The following GRM7 variants were observed in gnomAD, a reference collection of about 807,000 sequenced individuals.
GRM7 encodes the protein glutamate metabotropic receptor 7.
Under a neutral mutation model 84.5 loss-of-function variants are expected in GRM7, and 35 were observed. The observed-to-expected ratio is 0.41, with a 90% CI of 0.32 to 0.55. The LOEUF is 0.55. Among genes scored for constraint, GRM7 ranks in the 20% least tolerant of loss-of-function variants. The pLI is 0.19. For missense variants in GRM7, 1,003 were observed against 1,194.6 expected, an observed-to-expected ratio of 0.84 and a Z score of 2.36; for synonymous variants, 487 against 455.1, an observed-to-expected ratio of 1.07 and a Z score of -0.89.
At chr3:7,722,022 A>G (rs921784015) in intron 9 of GRM7, among the ~76,000 whole-genome samples, 3 of 152,212 alleles carry the variant, frequency 2.0e-5, no homozygotes, top group Non-Finnish European at 4.4e-5. Flanking sequence ...CAATGGATGG[A>G]ATGTACTAGG....
At chr3:7,068,111 A>C (rs1171441210) in intron 1 of GRM7, among the ~76,000 whole-genome samples, 1 of 151,990 alleles carries the variant, frequency 6.6e-6, no homozygotes, top group African/African-American at 2.4e-5. Flanking sequence ...AAACCATCTG[A>C]GACTGGGAGA....
At position 7,306,560 on chromosome 3, in the gene GRM7, A is replaced by T; in HGVS notation, c.941A>T (p.Asp314Val). 1.9e-6 allele frequency: 3 copies of T among 1,613,880 alleles called. No individual in the cohort carries two copies. The highest frequency in any genetic ancestry group is 2.5e-6 in the Non-Finnish European group (3 of 1,179,802). The stretch of plus-strand genomic sequence containing the variant: ...GGCCATTTTCTTTGGGTGGGATCAG[A>T]CAGCTGGGGATCCAAAATAAACCCA... ...QVGHFLWVGS[D>V]SWGSKINPLH... The change falls in exon 4 of 10, where the codon GAC becomes GTC. Residue 314 changes from aspartate (D) to valine (V), a missense_variant. Coordinates refer to ENST00000357716, the MANE Select transcript of GRM7 (RefSeq NM_000844.4).
chr3:7,407,061 C>G (rs1695712375), intron 4 of GRM7, among the ~76,000 whole-genome samples: 1 of 152,104 alleles, frequency 6.6e-6, no homozygotes, highest in African/African-American at 2.4e-5. Context: ...AAAACCCAAG[C>G]CTGGAAGTAA....
At chr3:7,315,663 C>T (rs572897256) in intron 4 of GRM7, among the ~76,000 whole-genome samples, 1 of 152,314 alleles carries the variant, frequency 6.6e-6, no homozygotes, top group South Asian at 2.1e-4. Flanking sequence ...ACAATAGGCA[C>T]ATTGACCTCT....
At chr3:7,176,879 C>A (rs73811624) in intron 2 of GRM7, among the ~76,000 whole-genome samples, 1,649 of 152,314 alleles carry the variant, frequency 0.011, 37 homozygotes, top group African/African-American at 0.037. Context: ...TTATTCATGT[C>A]ATGCAAAGTC....
intron 2 of GRM7, among the ~76,000 whole-genome samples, chr3:7,295,483 A>G (rs1472519592): frequency 6.6e-6 from 1 of 152,102 alleles, no homozygotes; most frequent in African/African-American, 2.4e-5. Context: ...ACCTTTCCAT[A>G]TAAATGTTAA....
rs141210247 is a variant in GRM7, at chr3:7,035,341, T to C, written c.520-111111T>C. Among the ~76,000 whole-genome samples the C allele has an allele frequency of 4.7e-3, 723 of 152,244 alleles. 7 individuals carry two copies. Among genetic ancestry groups the C allele is most frequent in the African/African-American group, 0.016 (684 of 41,550 alleles). On this transcript the variant is annotated intron_variant, in intron 1 of 9. Coordinates refer to ENST00000357716, the MANE Select transcript of GRM7 (RefSeq NM_000844.4). ...CAGGTGATTTAGTCAGTCAGTACTT[T>C]AGAATTTTTGCTGAGATAAAATATG...
intron 1 of GRM7, among the ~76,000 whole-genome samples, chr3:6,925,482 T>G (rs941792620): frequency 6.6e-6 from 1 of 152,188 alleles, no homozygotes; most frequent in African/African-American, 2.4e-5. Context: ...AGCACCCTCC[T>G]CAGATGAGTT....
At chr3:7,044,983 T>G (rs1281385875) in intron 1 of GRM7, among the ~76,000 whole-genome samples, 2 of 152,206 alleles carry the variant, frequency 1.3e-5, no homozygotes, top group Non-Finnish European at 2.9e-5. Flanking sequence ...TCTATTCTGT[T>G]GACATGTACT....
At chr3:7,585,850 G>T (rs1005703236) in intron 8 of GRM7, among the ~76,000 whole-genome samples, 3 of 152,156 alleles carry the variant, frequency 2.0e-5, no homozygotes, top group African/African-American at 7.2e-5. Flanking sequence ...CCATAACAGA[G>T]CGTGGTGTGC....
At chr3:7,580,326 G>A (rs1176066810) in intron 8 of GRM7, among the ~76,000 whole-genome samples, 1 of 152,176 alleles carries the variant, frequency 6.6e-6, no homozygotes, top group Non-Finnish European at 1.5e-5. Context: ...CTGCAAAGAG[G>A]GCTTAGGGAT....
At chr3:7,057,416 C>A (rs529038533) in intron 1 of GRM7, among the ~76,000 whole-genome samples, 3 of 151,710 alleles carry the variant, frequency 2.0e-5, no homozygotes, top group Non-Finnish European at 2.9e-5. Flanking sequence ...AAATATGAGA[C>A]GTTTCAATTT....
At chr3:7,191,174 C>T (rs1231993954) in intron 2 of GRM7, among the ~76,000 whole-genome samples, 3 of 152,084 alleles carry the variant, frequency 2.0e-5, no homozygotes, top group Non-Finnish European at 2.9e-5. Flanking sequence ...AATATTCAAG[C>T]TGCAGTCAGT....
chr3:7,720,817 AC>A (rs1701920933), intron 9 of GRM7, among the ~76,000 whole-genome samples: 1 of 152,212 alleles, frequency 6.6e-6, no homozygotes, highest in Non-Finnish European at 1.5e-5. Flanking sequence ...AATGAGAATT[AC>A]CTCTGGCTCC....
chr3:6,907,984 A>G (rs1559321910), intron 1 of GRM7, among the ~76,000 whole-genome samples: 2 of 152,146 alleles, frequency 1.3e-5, no homozygotes, highest in African/African-American at 4.8e-5. Flanking sequence ...TTACTCCCTT[A>G]CTATTAGCCA....
At chr3:7,575,840 T>C (rs1173307103) in intron 7 of GRM7, among the ~76,000 whole-genome samples, 2 of 152,106 alleles carry the variant, frequency 1.3e-5, no homozygotes, top group African/African-American at 4.8e-5. Context: ...AGCTCCTGTA[T>C]ATATTTGGAT....
intron 2 of GRM7, among the ~76,000 whole-genome samples, chr3:7,265,582 C>A (rs1228092417): frequency 6.6e-6 from 1 of 152,146 alleles, no homozygotes; most frequent in Non-Finnish European, 1.5e-5. Context: ...TTTAAAATTT[C>A]ATCCACAAAA....
At chr3:6,987,109 T>C (rs530307544) in intron 1 of GRM7, among the ~76,000 whole-genome samples, 1 of 152,274 alleles carries the variant, frequency 6.6e-6, no homozygotes, top group East Asian at 1.9e-4. Flanking sequence ...CTAATCCCCT[T>C]CCCTTTAGCT....
intron 2 of GRM7, among the ~76,000 whole-genome samples, chr3:7,169,963 C>T (rs1201569435): frequency 6.6e-6 from 1 of 152,152 alleles, no homozygotes; most frequent in Non-Finnish European, 1.5e-5. Context: ...GCATCAGAAT[C>T]ACCTAAAGAA....
Sources: gnomAD v4.1 joint callset for allele counts (sites outside exome capture counted in the v4.1 genomes callset) on GRCh38, gnomAD v4.1.1 for gene constraint, MANE v1.5 for transcripts, NCBI Gene and HGNC (gene_info 2026-07-23, HGNC 2026-07-21) for gene names.